Variants in XKR6 observed in about 807,000 individuals in gnomAD.
The protein encoded by XKR6 is XK-related protein 6.
A neutral mutation model predicts 56.7 loss-of-function variants in XKR6; 22 were observed. The observed-to-expected ratio is 0.39, with a 90% CI of 0.28 to 0.55. XKR6 has a LOEUF of 0.55. XKR6 is among the 20% of genes least tolerant of loss of function. The pLI is 0.66. For synonymous variants in XKR6, 524 were observed against 387.8 expected, an observed-to-expected ratio of 1.35 and a Z score of -4.13; for missense variants, 852 against 889.0, an observed-to-expected ratio of 0.96 and a Z score of 0.53.
chr8:10,909,201 C>G (rs1800277766), intron 2 of XKR6, among the ~76,000 whole-genome samples: 1 of 150,556 alleles, frequency 6.6e-6, no homozygotes, highest in Non-Finnish European at 1.5e-5. Flanking sequence ...TGAGCTCTGT[C>G]TCTCTCTCTC....
intron 1 of XKR6, among the ~76,000 whole-genome samples, chr8:11,160,378 T>C (rs1801736636): frequency 6.6e-6 from 1 of 151,480 alleles, no homozygotes. Context: ...GAAGCTGAGA[T>C]GGCCTTTATG....
intron 1 of XKR6, among the ~76,000 whole-genome samples, chr8:10,966,701 A>C: frequency 6.6e-6 from 1 of 152,062 alleles, no homozygotes; most frequent in East Asian, 1.9e-4. Flanking sequence ...TACATAAATA[A>C]AAATAAAAAT....
At chr8:11,198,385 G>A (rs1399503244) in intron 1 of XKR6, among the ~76,000 whole-genome samples, 5 of 56,946 alleles carry the variant, frequency 8.8e-5, no homozygotes. Flanking sequence ...ACTAAAATTA[G>A]CATGTCTTTT....
chr8:10,940,891 C>T (rs1287274850), intron 1 of XKR6, among the ~76,000 whole-genome samples: 3 of 152,206 alleles, frequency 2.0e-5, no homozygotes, highest in African/African-American at 4.8e-5. Context: ...GAAGGGCAGC[C>T]CCTTCCCTTC....
In XKR6 at chr8:10,898,603, C is replaced by T. The variant is rs1799953156; in HGVS notation, c.1275G>A (p.Val425=). The T allele has an allele frequency of 6.2e-7, 1 of 1,613,990 alleles. No individual in the cohort carries two copies. The highest frequency in any genetic ancestry group is 1.3e-5 in the African/African-American group (1 of 74,894). ...EILFNMVVGI[V]YIFCWFNVKE... is the part of the protein sequence containing the mutation. The stretch of plus-strand genomic sequence containing the variant: ...TGACGTTAAACCAGCAGAAAATGTA[C>T]ACGATCCCTACCACCATGTTGAAGA... The change falls in exon 3 of 3, where the codon GTG becomes GTA. Residue 425 remains valine (V), a synonymous_variant. Coordinates refer to ENST00000416569, the MANE Select transcript of XKR6 (RefSeq NM_173683.4). The surrounding 1 kb of genome is among the most constrained non-coding windows in gnomAD (Gnocchi z 6.6).
At chr8:10,940,394 G>C (rs1281131410) in intron 1 of XKR6, among the ~76,000 whole-genome samples, 4 of 152,174 alleles carry the variant, frequency 2.6e-5, no homozygotes, top group Admixed American at 2.6e-4. Context: ...ACAACCTACA[G>C]CATTCCCTCC....
intron 1 of XKR6, among the ~76,000 whole-genome samples, chr8:11,094,082 C>CTTT (rs1235067429): frequency 8.6e-6 from 1 of 116,482 alleles, no homozygotes; most frequent in African/African-American, 5.5e-5. Flanking sequence ...CCGCGCCCGG[C>CTTT]CTTTTTTTTT....
intron 1 of XKR6, among the ~76,000 whole-genome samples, chr8:11,094,024 T>C (rs1683598137): frequency 6.6e-6 from 1 of 151,278 alleles, no homozygotes; most frequent in East Asian, 1.9e-4. Flanking sequence ...GACCTCATGA[T>C]CCACCCGCCT....
In XKR6 at chr8:10,905,718, C is replaced by A. The variant is rs531355114; in HGVS notation, c.962-6802G>T. Reference sequence around the variant, plus strand: ...ACATTTGGGGGATCTCCACCATCTGCTTTTCAAATTCCTATTTTGTATTTT... The same window carrying A: ...ACATTTGGGGGATCTCCACCATCTGATTTTCAAATTCCTATTTTGTATTTT... On this transcript the variant is annotated intron_variant, in intron 2 of 2. Transcript: ENST00000416569. Among the ~76,000 whole-genome samples, 3 of 152,302 alleles carry A rather than the reference C, an allele frequency of 2.0e-5. No individual in the cohort carries two copies. The South Asian group carries it at 6.2e-4, about 32-fold the overall frequency.
At chr8:11,047,415 G>A (rs935268990) in intron 1 of XKR6, among the ~76,000 whole-genome samples, 10 of 152,212 alleles carry the variant, frequency 6.6e-5, no homozygotes, top group Admixed American at 4.6e-4. Flanking sequence ...GGCTTCACGA[G>A]TAGGATGGTG....
intron 2 of XKR6, among the ~76,000 whole-genome samples, chr8:10,917,259 G>C (rs965935362): frequency 6.6e-6 from 1 of 152,170 alleles, no homozygotes; most frequent in African/African-American, 2.4e-5. Flanking sequence ...CCTCCTTGCT[G>C]TGTGACTTGG....
intron 2 of XKR6, among the ~76,000 whole-genome samples, chr8:10,904,715 C>A (rs1168951006): frequency 6.6e-6 from 1 of 152,080 alleles, no homozygotes; most frequent in Non-Finnish European, 1.5e-5. Flanking sequence ...AATAAGGGAA[C>A]CTGAAGGAGG....
At position 10,924,844 on chromosome 8, in the gene XKR6, T is replaced by C. The variant is rs766676511; in HGVS notation, c.765-14A>G. 3.1e-6 allele frequency: 5 copies of C among 1,608,182 alleles called. No individual in the cohort carries two copies. The South Asian group carries it at 3.3e-5, about 11-fold the overall frequency. On this transcript the variant is annotated splice_polypyrimidine_tract_variant and intron_variant, in intron 1 of 2. Transcript: ENST00000416569. ...GTGCGGATATACCTGCCCAGAGAGA[T>C]GGGGAGAACACAGAGAGCATGGGTG... is the stretch of plus-strand genomic sequence containing the variant.
intron 1 of XKR6, among the ~76,000 whole-genome samples, chr8:11,077,138 C>G (rs1586513482): frequency 6.6e-6 from 1 of 152,276 alleles, no homozygotes; most frequent in Admixed American, 6.5e-5. Context: ...GATCACACCA[C>G]TGCCCTCCAG....
chr8:11,081,629 ATTC>A (rs1586518972), intron 1 of XKR6, among the ~76,000 whole-genome samples: 1 of 152,254 alleles, frequency 6.6e-6, no homozygotes, highest in African/African-American at 2.4e-5. Flanking sequence ...CTCAGCCTGA[ATTC>A]TTCTTCCTTT....
chr8:11,061,157 A>C (rs548020428), intron 1 of XKR6, among the ~76,000 whole-genome samples: 1 of 152,276 alleles, frequency 6.6e-6, no homozygotes, highest in East Asian at 1.9e-4. Flanking sequence ...CCACTTGGAG[A>C]GTGCTGTTTT....
chr8:11,017,722 C>T (rs1330208661), intron 1 of XKR6, among the ~76,000 whole-genome samples: 1 of 152,174 alleles, frequency 6.6e-6, no homozygotes, highest in East Asian at 1.9e-4. Flanking sequence ...GGCATTTGAC[C>T]TGGGTCCTGA....
intron 1 of XKR6, among the ~76,000 whole-genome samples, chr8:10,960,231 T>TGC (rs1410782285): frequency 6.6e-6 from 1 of 151,892 alleles, no homozygotes; most frequent in African/African-American, 2.4e-5. Flanking sequence ...AGCAGGTGGG[T>TGC]ACAGGTATAG....
chr8:11,101,143 G>C (rs559204231), intron 1 of XKR6, among the ~76,000 whole-genome samples: 6 of 152,340 alleles, frequency 3.9e-5, no homozygotes, highest in Non-Finnish European at 8.8e-5. Context: ...CTCAGCTACA[G>C]ACATCCCAAT....
Sources: allele counts gnomAD v4.1 joint callset (sites outside exome capture counted in the v4.1 genomes callset), GRCh38; gene constraint gnomAD v4.1.1; non-coding constraint Gnocchi (gnomAD v3.1); transcripts MANE v1.5; gene names NCBI Gene and HGNC (gene_info 2026-07-23, HGNC 2026-07-21).